The following HMCN1 variants were observed in gnomAD, a reference collection of about 807,000 sequenced individuals.
HMCN1 encodes hemicentin-1.
In HMCN1, 321 loss-of-function variants were observed where a neutral mutation model predicts 625.9. The ratio of observed to expected loss-of-function variants is 0.51; its 90% CI spans 0.47 to 0.56. HMCN1 has a LOEUF of 0.56. Ranked by LOEUF, HMCN1 falls within the 20% of genes least tolerant of loss-of-function variation. HMCN1 has a pLI of 0.00. For missense variants in HMCN1, 6,588 were observed against 6,887.3 expected (o/e 0.96, Z 1.54); for synonymous variants, 2,425 against 2,417.6 (o/e 1.00, Z -0.09).
intron 6 of HMCN1, among the ~76,000 whole-genome samples, chr1:185,918,749 C>T (rs538066222): frequency 3.7e-4 from 57 of 152,186 alleles, no homozygotes; most frequent in Non-Finnish European, 5.3e-4. Context: ...TCATTATGTA[C>T]GTTTAGAAAT....
At chr1:186,001,814 AAAAGT>A in intron 28 of HMCN1, 73 bp downstream of exon 28, 2 of 1,208,734 alleles carry the variant, frequency 1.7e-6, no homozygotes, top group South Asian at 1.3e-5. Context: ...GACTATATGA[AAAAGT>A]AAAGAGAAAA....
intron 11 of HMCN1, among the ~76,000 whole-genome samples, chr1:185,946,011 A>G: frequency 6.6e-6 from 1 of 152,214 alleles, no homozygotes; most frequent in East Asian, 1.9e-4. Flanking sequence ...GGCTAAAAGC[A>G]TGGTCTGATA....
chr1:185,835,019 G>A (rs1661085532), intron 1 of HMCN1, among the ~76,000 whole-genome samples: 1 of 152,166 alleles, frequency 6.6e-6, no homozygotes, highest in South Asian at 2.1e-4. Flanking sequence ...CTTGACGACA[G>A]TATTATTTTC....
chr1:186,070,489 T>A, intron 51 of HMCN1, 123 bp from the exon 52 acceptor site: 1 of 808,522 alleles, frequency 1.2e-6, no homozygotes, highest in South Asian at 1.6e-5. Context: ...TAATGAAAGG[T>A]CAGCATAGAA....
chr1:186,187,460 G>C (rs1191803344), intron 105 of HMCN1, among the ~76,000 whole-genome samples: 2 of 152,084 alleles, frequency 1.3e-5, no homozygotes, highest in Non-Finnish European at 2.9e-5. Context: ...CACTCAGCAA[G>C]GATCACTCAC....
At chr1:186,081,460 T>C (rs1031364908) in intron 56 of HMCN1, 66 bp downstream of exon 56, 3 of 1,194,002 alleles carry the variant, frequency 2.5e-6, no homozygotes, top group Non-Finnish European at 1.2e-6. Context: ...ATAATTGTTT[T>C]TGACTTTTAA....
intron 17 of HMCN1, 104 bp from the exon 18 acceptor site, chr1:185,982,158 C>A: frequency 8.5e-7 from 1 of 1,174,424 alleles, no homozygotes; most frequent in South Asian, 1.3e-5. Flanking sequence ...TCTGAAAACT[C>A]AAACTTTTAT....
intron 1 of HMCN1, among the ~76,000 whole-genome samples, chr1:185,840,265 A>G (rs985519982): frequency 3.9e-5 from 6 of 152,232 alleles, no homozygotes; most frequent in Non-Finnish European, 7.3e-5. Context: ...CCTAAAGCAG[A>G]AAACATAATT....
chr1:185,928,151 A>C (rs1667368869), intron 9 of HMCN1, among the ~76,000 whole-genome samples: 1 of 152,272 alleles, frequency 6.6e-6, no homozygotes, highest in African/African-American at 2.4e-5. Flanking sequence ...CCTACCTTCA[A>C]ATTTGTATAT....
At chr1:185,865,686 T>C in intron 3 of HMCN1, 55 bp from the exon 4 acceptor site, 1 of 1,516,730 alleles carries the variant, frequency 6.6e-7, no homozygotes, top group Non-Finnish European at 9.1e-7. Flanking sequence ...AATACACATA[T>C]TTTTTTATTT....
At chr1:185,753,140 C>A (rs1239275264) in intron 1 of HMCN1, among the ~76,000 whole-genome samples, 1 of 152,048 alleles carries the variant, frequency 6.6e-6, no homozygotes, top group Non-Finnish European at 1.5e-5. Flanking sequence ...AGCAAACAAA[C>A]AAGCAACTCT....
chr1:186,008,067 C>T (rs1237772085), intron 30 of HMCN1, among the ~76,000 whole-genome samples: 2 of 152,142 alleles, frequency 1.3e-5, no homozygotes, highest in Non-Finnish European at 2.9e-5. Flanking sequence ...CTTGTTTTCA[C>T]AGCACACATC....
rs71557837 is a variant in HMCN1 at position 185,877,321 on chromosome 1, C to CTTTTTTTTTTTTTTTTTTTTTTTTTTTTT, written c.621+11460_621+11488dup. On this transcript the variant is annotated intron_variant, in intron 4 of 106. Coordinates refer to ENST00000271588, the MANE Select transcript of HMCN1 (RefSeq NM_031935.3). ...CTATTTCATTGATCTATGTGTCTTT[C>CTTTTTTTTTTTTTTTTTTTTTTTTTTTTT]TTTTTTTTTTTTTTTTTTTTTTTTT... is the stretch of plus-strand genomic sequence containing the variant. Among the ~76,000 whole-genome samples, 19 of 34,910 alleles carry CTTTTTTTTTTTTTTTTTTTTTTTTTTTTT rather than the reference C, an allele frequency of 5.4e-4. 1 individual carries two copies. Among genetic ancestry groups the CTTTTTTTTTTTTTTTTTTTTTTTTTTTTT allele is most frequent in the Non-Finnish European group, 8.0e-4 (15 of 18,730 alleles). The allele number at this position is 34,910 out of a possible 152,430, so 22.9% of individuals were successfully genotyped here. A position where few individuals can be genotyped will look rare whatever the true frequency, so the allele number is the denominator to read the frequency against.
intron 5 of HMCN1, among the ~76,000 whole-genome samples, chr1:185,911,290 G>A (rs568327490): frequency 3.3e-5 from 5 of 152,040 alleles, no homozygotes; most frequent in Admixed American, 6.6e-5. Flanking sequence ...GGCTGGCTTC[G>A]GAAATATGAT....
At chr1:185,967,772 C>T (rs892264899) in intron 14 of HMCN1, among the ~76,000 whole-genome samples, 3 of 152,106 alleles carry the variant, frequency 2.0e-5, no homozygotes, top group South Asian at 4.1e-4. Flanking sequence ...TTATGGAAAC[C>T]ATAGGGGTGA....
chr1:185,976,494 CTG>C (rs1651226292), intron 15 of HMCN1, among the ~76,000 whole-genome samples: 3 of 152,238 alleles, frequency 2.0e-5, no homozygotes, highest in Admixed American at 2.0e-4. Context: ...AAAGTGATCT[CTG>C]TAGGAATATT....
At chr1:186,177,109 C>T (rs1652640672) in intron 103 of HMCN1, 1 of 150,166 alleles carries the variant, frequency 6.7e-6, no homozygotes, top group Non-Finnish European at 1.5e-5. Flanking sequence ...TCAAGACCAT[C>T]CTGGCTAACA....
At chr1:186,039,613 A>G in intron 38 of HMCN1, 115 bp from the exon 39 acceptor site, 3 of 1,167,914 alleles carry the variant, frequency 2.6e-6, no homozygotes, top group Non-Finnish European at 3.8e-6. Context: ...TTACCAAAAA[A>G]CAAGCAAACC....
intron 70 of HMCN1, 27 bp downstream of exon 70, chr1:186,106,992 C>G (rs764776594): frequency 3.8e-6 from 5 of 1,327,224 alleles, no homozygotes; most frequent in Non-Finnish European, 5.4e-6. Flanking sequence ...ATCCTACAGT[C>G]TATCATACAC....
Sources: gnomAD v4.1 joint callset for allele counts (sites outside exome capture counted in the v4.1 genomes callset) on GRCh38, gnomAD v4.1.1 for gene constraint, MANE v1.5 for transcripts, NCBI Gene and HGNC (gene_info 2026-07-23, HGNC 2026-07-21) for gene names.